ZNF566: variants seen among roughly 807,000 people sequenced by gnomAD.
ZNF566 encodes the protein zinc finger protein 566.
In ZNF566, 27 loss-of-function variants were observed where a neutral mutation model predicts 32.8. The observed-to-expected ratio is 0.82, with a 90% confidence interval of 0.61 to 1.14. The LOEUF (loss-of-function observed/expected upper bound fraction) is 1.14. Ranked by LOEUF, ZNF566 falls within the 50% of genes most tolerant of loss-of-function variation. The pLI is 0.00. For missense variants in ZNF566, 402 were observed against 490.4 expected (o/e 0.82, Z 1.70); for synonymous variants, 154 against 159.5 (o/e 0.97, Z 0.26).
chr19:36,462,556 C>A (rs2033495508), intron 4 of ZNF566, among the ~76,000 whole-genome samples: 1 of 151,936 alleles, frequency 6.6e-6, no homozygotes, highest in Admixed American at 6.6e-5. Flanking sequence ...GTTTTAGATA[C>A]CTGCAGGCCC....
At chr19:36,482,102 T>C (rs2034047971) in intron 1 of ZNF566, among the ~76,000 whole-genome samples, 1 of 152,086 alleles carries the variant, frequency 6.6e-6, no homozygotes, top group Non-Finnish European at 1.5e-5. Context: ...AGTTAATTTT[T>C]ATTTATTTAT....
intron 1 of ZNF566, among the ~76,000 whole-genome samples, chr19:36,478,924 T>C (rs903324247): frequency 6.6e-6 from 1 of 152,220 alleles, no homozygotes; most frequent in African/African-American, 2.4e-5. Context: ...ACTGCATGAA[T>C]AGCATCCATG....
intron 4 of ZNF566, among the ~76,000 whole-genome samples, chr19:36,462,955 TCAA>T (rs1337648694): frequency 3.4e-4 from 4 of 11,666 alleles, no homozygotes; most frequent in Non-Finnish European, 7.2e-4. Context: ...AGACTCTGTC[TCAA>T]AAAAAAAAAA....
At position 36,466,670 on chromosome 19, in the gene ZNF566, C is replaced by T. The variant is rs372612505; in HGVS notation, c.232+6241G>A. ...AACTTCTGCTCACAGAAAAGAAAAC[C>T]GTAAACAGAGCTAAATTCAATTCAG... On this transcript the variant is annotated intron_variant, in intron 4 of 4. Coordinates refer to ENST00000452939, the MANE Select transcript of ZNF566 (RefSeq NM_001145344.1). 7.0e-4 allele frequency among the ~76,000 whole-genome samples: 107 copies of T among 152,220 alleles called. 3 individuals carry two copies. The South Asian group carries it at 0.021, about 30-fold the overall frequency.
chr19:36,484,497 A>G (rs950822098), intron 1 of ZNF566, among the ~76,000 whole-genome samples: 1 of 152,158 alleles, frequency 6.6e-6, no homozygotes, highest in Non-Finnish European at 1.5e-5. Context: ...CAAACATCAC[A>G]GTAATAATTG....
chr19:36,447,690 T>C lies in ZNF566; in HGVS notation c.*1287A>G, dbSNP rs995587866. On this transcript the variant is annotated 3_prime_UTR_variant, in exon 5 of 5. Transcript: ENST00000452939. ...GTTCTCTTTTCTTTTTTACTGGGTATATAATGCGACAAAAAGAGTATTAGT... is the reference window on the plus strand; with the variant it reads ...GTTCTCTTTTCTTTTTTACTGGGTACATAATGCGACAAAAAGAGTATTAGT... 1 of 152,160 alleles carries C rather than the reference T, an allele frequency of 6.6e-6. No homozygotes were observed. The highest frequency in any genetic ancestry group is 1.5e-5 in the Non-Finnish European group (1 of 68,022). The allele number at this position is 152,160 out of a possible 1,614,324, so 9.4% of individuals were successfully genotyped here.
chr19:36,453,087 C>T (rs544076719), intron 4 of ZNF566, among the ~76,000 whole-genome samples: 5 of 150,048 alleles, frequency 3.3e-5, no homozygotes, highest in South Asian at 4.2e-4. Flanking sequence ...CACTGTACTC[C>T]AGCCTGGGCA....
At chr19:36,473,173 A>G in intron 3 of ZNF566, 159 bp downstream of exon 3, 5 of 1,095,650 alleles carry the variant, frequency 4.6e-6, no homozygotes, top group African/African-American at 1.6e-5. Flanking sequence ...CAAAAACTCA[A>G]TGCAGCTTCC....
At position 36,449,824 on chromosome 19, in the gene ZNF566, C is replaced by T. The variant is rs374833866; in HGVS notation, c.410G>A (p.Gly137Glu). ...AGTGAATACCAATTGATTGAAATGTCCCCCCTGAGAGCCGAGTTCTTTCTT... is the reference window on the plus strand; with the variant it reads ...AGTGAATACCAATTGATTGAAATGTTCCCCCTGAGAGCCGAGTTCTTTCTT... ...QFKKELGSQG[G>E]HFNQLVFTHE... The change falls in exon 5 of 5, where the codon GGA (glycine) becomes GAA (glutamate). Residue 137 changes from glycine to glutamate, a missense_variant. This residue lies in a region of ZNF566 where 220 missense variants were observed against 241.9 expected (regional missense o/e 0.91). Coordinates refer to ENST00000452939, the MANE Select transcript of ZNF566 (RefSeq NM_001145344.1). 19 of 1,613,938 alleles carry T rather than the reference C, an allele frequency of 1.2e-5. No homozygotes were observed. The highest frequency in any genetic ancestry group is 1.7e-5 in the Admixed American group (1 of 59,968).
At chr19:36,466,188 G>GA (rs11383545) in intron 4 of ZNF566, among the ~76,000 whole-genome samples, 2,038 of 152,244 alleles carry the variant, frequency 0.013, 49 homozygotes, top group African/African-American at 0.047. Flanking sequence ...TTCTCTAATG[G>GA]AAAGGAACAA....
intron 4 of ZNF566, among the ~76,000 whole-genome samples, chr19:36,469,720 C>G (rs2033716295): frequency 6.6e-6 from 1 of 152,110 alleles, no homozygotes; most frequent in East Asian, 1.9e-4. Flanking sequence ...TGAATACTAC[C>G]AAACACTGTG....
At chr19:36,475,491 T>C (rs1021788765) in intron 2 of ZNF566, among the ~76,000 whole-genome samples, 22 of 152,174 alleles carry the variant, frequency 1.4e-4, no homozygotes, top group African/African-American at 5.1e-4. Flanking sequence ...TATTTTCTTA[T>C]TGGAAAACCC....
At chr19:36,479,937 T>C (rs938589721) in intron 1 of ZNF566, among the ~76,000 whole-genome samples, 12 of 152,162 alleles carry the variant, frequency 7.9e-5, no homozygotes, top group Non-Finnish European at 1.3e-4. Context: ...GCTCAAGCAA[T>C]CCTCCAGCCT....
At chr19:36,466,881 A>G (rs1175080767) in intron 4 of ZNF566, among the ~76,000 whole-genome samples, 1 of 151,962 alleles carries the variant, frequency 6.6e-6, no homozygotes, top group Non-Finnish European at 1.5e-5. Context: ...ATCCTGGCTA[A>G]CACGGTGAAA....
chr19:36,449,434 C>G lies in ZNF566; in HGVS notation c.800G>C (p.Gly267Ala). 1 of 1,614,104 alleles carries G rather than the reference C, an allele frequency of 6.2e-7. No homozygotes were observed. The highest frequency in any genetic ancestry group is 8.5e-7 in the Non-Finnish European group (1 of 1,180,022). The change falls in exon 5 of 5, where the codon GGT becomes GCT. Residue 267 changes from glycine (G) to alanine (A), a missense_variant. By Grantham distance (60) the Gly-to-Ala change is moderately conservative. Around this residue, in one of 3 missense-constraint regions of ZNF566, gnomAD observed 135 missense variants for 210.0 expected, o/e 0.64. Transcript: ENST00000452939. Reference sequence around the variant, plus strand: ...TCTCTGATGTCGAGTGAAGTTTGAACCACTACTAAAGGCTTTCCCACATTC... The same window carrying G: ...TCTCTGATGTCGAGTGAAGTTTGAAGCACTACTAAAGGCTTTCCCACATTC... Reference protein sequence around the residue: ...CKECGKAFSSGSNFTRHQRIH... With the variant: ...CKECGKAFSSASNFTRHQRIH...
At chr19:36,461,834 T>C (rs1352438991) in intron 4 of ZNF566, among the ~76,000 whole-genome samples, 1 of 152,160 alleles carries the variant, frequency 6.6e-6, no homozygotes, top group Non-Finnish European at 1.5e-5. Context: ...CTTTGCAGTG[T>C]TATTTGGATT....
chr19:36,472,978 G>A lies in ZNF566; in HGVS notation c.165C>T (p.Ile55=), dbSNP rs1406171493. 2 of 1,613,770 alleles carry A rather than the reference G, an allele frequency of 1.2e-6. No homozygotes were observed. The highest frequency in any genetic ancestry group is 1.7e-6 in the Non-Finnish European group (2 of 1,179,944). Residue 55 remains isoleucine, a synonymous_variant, in exon 4 of 5, where the codon ATC becomes ATT. Coordinates refer to ENST00000452939, the MANE Select transcript of ZNF566 (RefSeq NM_001145344.1). ...MGHSISKPNV[I]SYLEQGKEPW... ...GCTCCTTCCCTTGCTCCAAGTAGGA[G>A]ATCACATTTGGTTTAGAAATAGAAT...
At chr19:36,480,942 C>A (rs372808147) in intron 1 of ZNF566, among the ~76,000 whole-genome samples, 2 of 151,900 alleles carry the variant, frequency 1.3e-5, no homozygotes, top group East Asian at 2.0e-4. Flanking sequence ...ACTCAGGAGG[C>A]TGAGGCAGGA....
chr19:36,453,037 G>A (rs147109716), intron 4 of ZNF566, among the ~76,000 whole-genome samples: 5,919 of 151,660 alleles, frequency 0.039, 162 homozygotes, highest in Non-Finnish European at 0.059. Flanking sequence ...AGAACTGCTT[G>A]AACCCGGGAG....
Sources: gnomAD v4.1 joint callset for allele counts (sites outside exome capture counted in the v4.1 genomes callset) on GRCh38, gnomAD v4.1.1 for gene constraint, gnomAD v4.1.1 regional missense constraint, MANE v1.5 for transcripts, NCBI Gene and HGNC (gene_info 2026-07-23, HGNC 2026-07-21) for gene names.